Variants in CTBP2 observed in about 807,000 individuals in gnomAD.
The protein encoded by CTBP2 is C-terminal-binding protein 2.
In CTBP2, 30 loss-of-function variants were observed where a neutral mutation model predicts 80.3. The ratio of observed to expected loss-of-function variants is 0.37; its 90% CI spans 0.28 to 0.51. The LOEUF (loss-of-function observed/expected upper bound fraction) is 0.51. Ranked by LOEUF, CTBP2 falls within the 20% of genes least tolerant of loss-of-function variation. The pLI is 0.93. For missense variants in CTBP2, 1,212 were observed against 1,375.3 expected (o/e 0.88, Z 1.88); for synonymous variants, 594 against 587.4 (o/e 1.01, Z -0.16).
At chr10:125,107,395 G>T (rs76550923) in intron 2 of CTBP2, among the ~76,000 whole-genome samples, 1,642 of 152,310 alleles carry the variant, frequency 0.011, 19 homozygotes, top group Non-Finnish European at 0.019. Context: ...CCAAGGGCCC[G>T]AAGGACTCTG....
chr10:125,004,587 G>C (rs1184916009), intron 1 of CTBP2, among the ~76,000 whole-genome samples: 1 of 152,300 alleles, frequency 6.6e-6, no homozygotes, highest in Admixed American at 6.5e-5. Context: ...GCAATCCGCC[G>C]AGATGCCAGG....
intron 2 of CTBP2, among the ~76,000 whole-genome samples, chr10:125,077,630 C>T (rs1399856151): frequency 6.6e-6 from 1 of 152,066 alleles, no homozygotes; most frequent in Non-Finnish European, 1.5e-5. Context: ...TTGGGATTAC[C>T]AACAAAAAGG....
chr10:125,034,646 G>A (rs1958651169), intron 3 of CTBP2, among the ~76,000 whole-genome samples: 1 of 152,100 alleles, frequency 6.6e-6, no homozygotes, highest in African/African-American at 2.4e-5. Context: ...CCTATAGGCA[G>A]GCTTCAACTC....
intron 1 of CTBP2, among the ~76,000 whole-genome samples, chr10:125,151,801 G>A (rs1339371981): frequency 6.6e-6 from 1 of 152,184 alleles, no homozygotes; most frequent in Middle Eastern, 3.2e-3. Flanking sequence ...GACCGGAGAG[G>A]GGCCGGCGAC....
At chr10:124,997,899 G>C in intron 4 of CTBP2, 65 bp downstream of exon 6, 2 of 1,529,856 alleles carry the variant, frequency 1.3e-6, no homozygotes, top group Non-Finnish European at 1.8e-6. Context: ...CTTTCCCGAG[G>C]GGTCCCCACT....
Position 124,984,640 on chromosome 10 carries a change from A to C in CTBP2, c.*4878T>G, listed in dbSNP as rs900966428. ...TTAATCACAAAACTTCCAAGAGGTC[A>C]AAACCATGTGAAAAGTTGATTGCTT... On this transcript the variant is annotated 3_prime_UTR_variant, in exon 9 of 9. Coordinates refer to ENST00000309035, the MANE Select transcript of CTBP2 (RefSeq NM_022802.3). 1.0e-4 allele frequency: 91 copies of C among 870,378 alleles called. No homozygotes were observed. Among genetic ancestry groups the C allele is most frequent in the Non-Finnish European group, 1.6e-4 (90 of 576,508 alleles). 53.9% of individuals were successfully genotyped at this position (870,378 alleles called of 1,614,324 possible).
At chr10:125,061,204 A>G (rs1238056082) in intron 2 of CTBP2, among the ~76,000 whole-genome samples, 4 of 152,260 alleles carry the variant, frequency 2.6e-5, no homozygotes, top group African/African-American at 9.6e-5. Flanking sequence ...GCAAATTGCT[A>G]AAGCAAACAT....
chr10:125,027,980 A>C lies in CTBP2; in HGVS notation c.-221T>G. 1.5e-6 allele frequency: 2 copies of C among 1,305,502 alleles called. No individual in the cohort carries two copies. The highest frequency in any genetic ancestry group is 2.0e-6 in the Non-Finnish European group (2 of 1,006,530). 80.9% of individuals were successfully genotyped at this position (1,305,502 alleles called of 1,614,324 possible). A position where few individuals can be genotyped will look rare whatever the true frequency, so the allele number is the denominator to read the frequency against. On this transcript the variant is annotated 5_prime_UTR_variant, in exon 1 of 9. Coordinates refer to ENST00000309035, the MANE Select transcript of CTBP2 (RefSeq NM_022802.3). ...CACGGTAACTTTGCCTCACTCCCCA[A>C]CGATAGCCAGAGAGGTCTGTTCCTT...
At chr10:124,997,797 G>T in intron 4 of CTBP2, 167 bp downstream of exon 6, 1 of 658,650 alleles carries the variant, frequency 1.5e-6, no homozygotes, top group Non-Finnish European at 2.6e-6. Flanking sequence ...TGAGTTGCCT[G>T]ATGGGTCTTG....
rs1844594750 is a variant in CTBP2, at chr10:125,066,127, CTGA to C, written c.-101-26975_-101-26973del. Among the ~76,000 whole-genome samples, 2 of 151,590 alleles carry C rather than the reference CTGA, an allele frequency of 1.3e-5. No homozygotes were observed. Among genetic ancestry groups the C allele is most frequent in the African/African-American group, 4.9e-5 (2 of 41,226 alleles). On this transcript the variant is annotated intron_variant, in intron 2 of 10. Coordinates refer to the CTBP2 transcript ENST00000337195. The surrounding 1 kb of genome is among the most constrained non-coding windows in gnomAD (Gnocchi z 4.1). ...TGGTGAACTCCCTCTAATGCTCAGG[CTGA>C]TGTCCTAACACCCAGGACAACGTCT...
At chr10:125,033,656 A>G (rs542130611) in intron 3 of CTBP2, among the ~76,000 whole-genome samples, 18 of 152,106 alleles carry the variant, frequency 1.2e-4, no homozygotes, top group Non-Finnish European at 2.4e-4. Flanking sequence ...CCAAACACGG[A>G]GACTACGGAT....
chr10:125,058,118 A>T (rs1373464810), intron 2 of CTBP2, among the ~76,000 whole-genome samples: 1 of 151,980 alleles, frequency 6.6e-6, no homozygotes, highest in Non-Finnish European at 1.5e-5. Flanking sequence ...GTTTTACAGG[A>T]GCCCTGACGG....
At chr10:125,081,144 G>A (rs990792046) in intron 2 of CTBP2, among the ~76,000 whole-genome samples, 2 of 152,054 alleles carry the variant, frequency 1.3e-5, no homozygotes, top group Admixed American at 1.3e-4. Context: ...ACTCCAATCA[G>A]GAAAAAACAC....
chr10:125,055,651 C>T (rs935221956), intron 2 of CTBP2, among the ~76,000 whole-genome samples: 1 of 152,156 alleles, frequency 6.6e-6, no homozygotes, highest in Non-Finnish European at 1.5e-5. Context: ...ACCCCACAAT[C>T]CCCGAACCAC....
intron 2 of CTBP2, among the ~76,000 whole-genome samples, chr10:125,098,660 GAGAGAGAGA>G (rs1849969833): frequency 5.3e-5 from 1 of 18,862 alleles, no homozygotes; most frequent in Non-Finnish European, 1.1e-4. Context: ...GGGAGGGGGA[GAGAGAGAGA>G]GAGAGAGAGA....
chr10:125,030,388 C>A (rs970421008), upstream of CTBP2, among the ~76,000 whole-genome samples: 1 of 152,144 alleles, frequency 6.6e-6, no homozygotes, highest in Admixed American at 6.5e-5. Context: ...ATTCTGAAGT[C>A]CCTGTGCGAC....
chr10:124,989,430 C>T lies in CTBP2; in HGVS notation c.*88G>A, dbSNP rs1487539377. On this transcript the variant is annotated 3_prime_UTR_variant, in exon 9 of 9. Coordinates refer to ENST00000309035, the MANE Select transcript of CTBP2 (RefSeq NM_022802.3). Reference sequence around the variant, plus strand: ...TATGTCCAGAATCAGTTACAAAGACCATCCGATTCTTTTTCTCTTAGTTCA... The same window carrying T: ...TATGTCCAGAATCAGTTACAAAGACTATCCGATTCTTTTTCTCTTAGTTCA... 6.8e-6 allele frequency: 9 copies of T among 1,325,026 alleles called. No individual in the cohort carries two copies. Among genetic ancestry groups the T allele is most frequent in the Non-Finnish European group, 7.6e-6 (7 of 919,830 alleles). The allele number at this position is 1,325,026 out of a possible 1,614,324, so 82.1% of individuals were successfully genotyped here.
intron 1 of CTBP2, among the ~76,000 whole-genome samples, chr10:125,012,815 G>A (rs1956077578): frequency 6.6e-6 from 1 of 152,144 alleles, no homozygotes; most frequent in Non-Finnish European, 1.5e-5. Context: ...TCTGAACTCA[G>A]GTGATCCGCC....
chr10:124,989,352 C>T lies in CTBP2; in HGVS notation c.*166G>A. 1.3e-6 allele frequency: 1 copy of T among 784,256 alleles called. No individual in the cohort carries two copies. Among genetic ancestry groups the T allele is most frequent in the Non-Finnish European group, 2.2e-6 (1 of 461,826 alleles). The allele number at this position is 784,256 out of a possible 1,614,324, so 48.6% of individuals were successfully genotyped here. On this transcript the variant is annotated 3_prime_UTR_variant, in exon 9 of 9. Coordinates refer to ENST00000309035, the MANE Select transcript of CTBP2 (RefSeq NM_022802.3). ...TTTCAGCGCTTCCGTAAGCAGACGA[C>T]ATCTTCAGTTTTCTAGCTCTTGTAG...
Sources: allele counts gnomAD v4.1 joint callset (sites outside exome capture counted in the v4.1 genomes callset), GRCh38; gene constraint gnomAD v4.1.1; non-coding constraint Gnocchi (gnomAD v3.1); transcripts MANE v1.5; gene names NCBI Gene and HGNC (gene_info 2026-07-23, HGNC 2026-07-21).